Variants in NTNG1 observed in about 807,000 individuals in gnomAD.
The protein encoded by NTNG1 is netrin G1, also known as netrin-G1.
NTNG1 carries 16 observed loss-of-function variants against 54.0 expected under a neutral mutation model. The ratio of observed to expected loss-of-function variants is 0.30; its 90% CI spans 0.20 to 0.45. NTNG1 has a LOEUF of 0.45. Ranked by LOEUF, NTNG1 falls within the 20% of genes least tolerant of loss-of-function variation. The pLI, the probability that NTNG1 is intolerant of heterozygous loss-of-function variation, is 1.00. For missense variants in NTNG1, 530 were observed against 678.7 expected (o/e 0.78, Z 2.43); for synonymous variants, 255 against 263.1 (o/e 0.97, Z 0.30).
chr1:107,373,329 G>A (rs1671038008), intron 3 of NTNG1, among the ~76,000 whole-genome samples: 1 of 151,904 alleles, frequency 6.6e-6, no homozygotes, highest in African/African-American at 2.4e-5. Flanking sequence ...TATCATACCA[G>A]TTCAGATGAA....
chr1:107,337,749 T>C (rs1037900265), intron 3 of NTNG1, among the ~76,000 whole-genome samples: 1 of 152,054 alleles, frequency 6.6e-6, no homozygotes, highest in Non-Finnish European at 1.5e-5. Flanking sequence ...CTTCTAGTCT[T>C]TTCCCACTTT....
chr1:107,205,006 CT>C (rs1281828008), intron 2 of NTNG1, among the ~76,000 whole-genome samples: 1 of 152,134 alleles, frequency 6.6e-6, no homozygotes, highest in Non-Finnish European at 1.5e-5. Flanking sequence ...TCCCTTCCCT[CT>C]GCCAGAGCCT....
chr1:107,280,486 G>GT (rs1664777132), intron 2 of NTNG1, among the ~76,000 whole-genome samples: 2 of 151,478 alleles, frequency 1.3e-5, no homozygotes, highest in Middle Eastern at 3.2e-3. Context: ...TTCAAGATCA[G>GT]TTTTCTTTTT....
intron 5 of NTNG1, among the ~76,000 whole-genome samples, chr1:107,425,017 CTG>C (rs1443404478): frequency 1.3e-5 from 2 of 152,020 alleles, no homozygotes; most frequent in African/African-American, 4.8e-5. Flanking sequence ...AATCAAGAGA[CTG>C]TGGTGGCCCA....
intron 2 of NTNG1, among the ~76,000 whole-genome samples, chr1:107,209,203 C>T (rs1218191104): frequency 1.3e-5 from 2 of 151,942 alleles, no homozygotes; most frequent in Non-Finnish European, 2.9e-5. Context: ...CTGAAACCTC[C>T]TTACCTATTG....
intron 2 of NTNG1, among the ~76,000 whole-genome samples, chr1:107,268,601 T>G (rs1170332325): frequency 6.6e-6 from 1 of 152,132 alleles, no homozygotes; most frequent in East Asian, 1.9e-4. Flanking sequence ...TCTCATGGCT[T>G]TAAGTGTGAA....
At chr1:107,267,476 C>G (rs1663828544) in intron 2 of NTNG1, among the ~76,000 whole-genome samples, 1 of 152,208 alleles carries the variant, frequency 6.6e-6, no homozygotes, top group African/African-American at 2.4e-5. Context: ...TGGGTATCAA[C>G]TGTAGCTTGT....
At position 107,236,452 on chromosome 1, in the gene NTNG1, CAG is replaced by C. The variant is rs377739695; in HGVS notation, c.246+87616_246+87617del. On this transcript the variant is annotated intron_variant, in intron 2 of 7. Coordinates refer to ENST00000370068, the MANE Select transcript of NTNG1 (RefSeq NM_001113226.3). ...AGAAGATAGGAGCACTGAAGGAAGA[CAG>C]AGGCAAAGTGAAGTATACAGATGAT... Among the ~76,000 whole-genome samples, 99 of 152,264 alleles carry C rather than the reference CAG, an allele frequency of 6.5e-4. 4 individuals are homozygous for C. The South Asian group carries it at 0.02, about 31-fold the overall frequency.
At chr1:107,250,577 A>C (rs1662525075) in intron 2 of NTNG1, among the ~76,000 whole-genome samples, 1 of 151,650 alleles carries the variant, frequency 6.6e-6, no homozygotes, top group Admixed American at 6.6e-5. Flanking sequence ...AAATAAAAAA[A>C]ATAAAAAAAA....
At chr1:107,225,830 T>G (rs906361480) in intron 2 of NTNG1, among the ~76,000 whole-genome samples, 2 of 152,138 alleles carry the variant, frequency 1.3e-5, no homozygotes, top group African/African-American at 4.8e-5. Flanking sequence ...GATTCTTTTT[T>G]CATAGAACCC....
chr1:107,246,929 A>G (rs1238248401), intron 2 of NTNG1, among the ~76,000 whole-genome samples: 2 of 151,904 alleles, frequency 1.3e-5, no homozygotes, highest in Non-Finnish European at 2.9e-5. Flanking sequence ...TCAGCCAGGC[A>G]TCGGGTTATT....
intron 3 of NTNG1, among the ~76,000 whole-genome samples, chr1:107,351,965 A>T (rs1211356684): frequency 6.6e-6 from 1 of 152,242 alleles, no homozygotes; most frequent in Non-Finnish European, 1.5e-5. Context: ...GGTAGTCATT[A>T]AACCTTAAAG....
chr1:107,480,667 A>C lies in NTNG1; in HGVS notation c.1447A>C (p.Asn483His). ...HCQNGGTCHN[N>H]VRCLCPAAYT... The stretch of plus-strand genomic sequence containing the variant: ...CCAGAACGGAGGGACGTGCCACAAC[A>C]ACGTGCGCTGCCTGTGCCCGGCCGC... Residue 483 changes from asparagine (N) to histidine (H), a missense_variant, in exon 8 of 8, where the codon AAC (asparagine) becomes CAC (histidine). This residue lies in a region of NTNG1 where 212 missense variants were observed against 213.6 expected (regional missense o/e 0.99). Coordinates refer to ENST00000370068, the MANE Select transcript of NTNG1 (RefSeq NM_001113226.3). 6.2e-7 allele frequency: 1 copy of C among 1,606,588 alleles called. No individual in the cohort carries two copies. The highest frequency in any genetic ancestry group is 1.7e-5 in the Admixed American group (1 of 59,712).
intron 5 of NTNG1, among the ~76,000 whole-genome samples, chr1:107,428,768 C>T (rs1675063227): frequency 6.6e-6 from 1 of 152,116 alleles, no homozygotes; most frequent in Non-Finnish European, 1.5e-5. Context: ...AGAAGCTTTT[C>T]TGACTCCCTC....
intron 4 of NTNG1, among the ~76,000 whole-genome samples, chr1:107,405,568 A>G (rs769850581): frequency 9.9e-5 from 15 of 152,180 alleles, no homozygotes; most frequent in Admixed American, 3.3e-4. Flanking sequence ...TTTCCAAAGT[A>G]TTCAGCTGCA....
intron 2 of NTNG1, among the ~76,000 whole-genome samples, chr1:107,261,775 G>A (rs140908632): frequency 0.086 from 13,119 of 152,104 alleles, 1,888 homozygotes; most frequent in African/African-American, 0.3. Flanking sequence ...CCCGGGAGGC[G>A]GAGCTTGCAG....
intron 7 of NTNG1, among the ~76,000 whole-genome samples, chr1:107,471,674 T>C (rs904230184): frequency 1.3e-5 from 2 of 152,240 alleles, no homozygotes; most frequent in Non-Finnish European, 2.9e-5. Flanking sequence ...ATGCAGTAGT[T>C]GAATACAAAT....
At chr1:107,287,164 A>G (rs1665252764) in intron 2 of NTNG1, among the ~76,000 whole-genome samples, 1 of 152,178 alleles carries the variant, frequency 6.6e-6, no homozygotes, top group South Asian at 2.1e-4. Flanking sequence ...TGTGGAGGCT[A>G]CAGACCAAAA....
chr1:107,278,010 TA>T (rs2101714991), intron 2 of NTNG1, among the ~76,000 whole-genome samples: 1 of 152,334 alleles, frequency 6.6e-6, no homozygotes, highest in South Asian at 2.1e-4. Flanking sequence ...AAGGCAGTGC[TA>T]TTAAAAACAC....
Sources: allele counts gnomAD v4.1 joint callset (sites outside exome capture counted in the v4.1 genomes callset), GRCh38; gene constraint gnomAD v4.1.1; regional missense constraint gnomAD v4.1.1; transcripts MANE v1.5; gene names NCBI Gene and HGNC (gene_info 2026-07-23, HGNC 2026-07-21).